The following CSE1L variants were observed in gnomAD, a reference collection of about 807,000 sequenced individuals.
CSE1L encodes exportin-2.
Under a neutral mutation model 120.4 loss-of-function variants are expected in CSE1L, and 24 were observed. The observed-to-expected ratio is 0.20, with a 90% CI of 0.14 to 0.28. The LOEUF (loss-of-function observed/expected upper bound fraction) is 0.28. Ranked by LOEUF, CSE1L falls within the 10% of genes least tolerant of loss-of-function variation. The pLI is 1.00. For synonymous variants in CSE1L, 402 were observed against 398.3 expected (o/e 1.01, Z -0.11); for missense variants, 830 against 1,145.2 (o/e 0.72, Z 3.97).
At chr20:49,067,417 C>A in intron 6 of CSE1L, 137 bp downstream of exon 6, 1 of 553,704 alleles carries the variant, frequency 1.8e-6, no homozygotes, top group Non-Finnish European at 3.1e-6. Flanking sequence ...AATTTCAAAC[C>A]TACACAGAAA....
chr20:49,049,656 C>A (rs1044971141), intron 1 of CSE1L, among the ~76,000 whole-genome samples: 1 of 152,132 alleles, frequency 6.6e-6, no homozygotes, highest in African/African-American at 2.4e-5. Flanking sequence ...CTAAAAGTCC[C>A]TGATTTCTCT....
intron 1 of CSE1L, among the ~76,000 whole-genome samples, chr20:49,055,069 T>C (rs1404094006): frequency 6.6e-6 from 1 of 152,254 alleles, no homozygotes; most frequent in East Asian, 1.9e-4. Context: ...TTTCAGAATT[T>C]GGGATTTTTT....
intron 2 of CSE1L, among the ~76,000 whole-genome samples, chr20:49,060,516 C>T (rs1471323427): frequency 6.6e-6 from 1 of 151,776 alleles, no homozygotes; most frequent in Non-Finnish European, 1.5e-5. Context: ...TTGCTCACGC[C>T]TGTAATCCCA....
intron 14 of CSE1L, 113 bp downstream of exon 14, chr20:49,078,735 AATG>A: frequency 1.5e-6 from 1 of 652,624 alleles, no homozygotes; most frequent in Non-Finnish European, 2.4e-6. Flanking sequence ...CAAAATTAAC[AATG>A]ATTTCTTTAT....
rs775291464 is a variant in CSE1L, at chr20:49,066,391, C to G, written c.357C>G (p.Gly119=). 1.9e-6 allele frequency: 3 copies of G among 1,614,170 alleles called. No homozygotes were observed. The highest frequency in any genetic ancestry group is 1.1e-5 in the South Asian group (1 of 91,084). Residue 119 remains glycine (G), a synonymous_variant, in exon 5 of 25, where the codon GGC becomes GGG. Transcript: ENST00000262982. ...KQLSDAISII[G]REDFPQKWPD... ...TAAGTGATGCAATTAGCATTATTGG[C>G]AGAGAAGATTTTCCACAGAAATGGC...
chr20:49,063,244 C>A lies in CSE1L; in HGVS notation c.128C>A (p.Pro43Gln). The A allele has an allele frequency of 6.3e-7, 1 of 1,593,306 alleles. No homozygotes were observed. The highest frequency in any genetic ancestry group is 8.5e-7 in the Non-Finnish European group (1 of 1,172,182). ...TCTGTTGAAGGAAATCAGAATTATC[C>A]ACTGTTGCTTTTGACATTACTGGAG... is the stretch of plus-strand genomic sequence containing the variant. ...LESVEGNQNYPLLLLTLLEKS... is the reference protein window; with the variant it reads ...LESVEGNQNYQLLLLTLLEKS... Residue 43 changes from proline (P) to glutamine (Q), a missense_variant, in exon 3 of 25, where the codon CCA (proline) becomes CAA (glutamine). Physicochemically the swap from Pro to Gln is moderately conservative, Grantham distance 76. This residue lies in a region of CSE1L where 543 missense variants were observed against 640.2 expected (regional missense o/e 0.85). Transcript: ENST00000262982.
At chr20:49,078,523 C>T (rs765482542) in intron 13 of CSE1L, 38 bp from the exon 14 acceptor site, 63 of 1,405,378 alleles carry the variant, frequency 4.5e-5, no homozygotes, top group Non-Finnish European at 6.2e-5. Flanking sequence ...ATGATCCTTA[C>T]CACTTAAGTA....
At chr20:49,061,805 TA>T (rs943392830) in intron 2 of CSE1L, among the ~76,000 whole-genome samples, 2 of 151,978 alleles carry the variant, frequency 1.3e-5, no homozygotes, top group African/African-American at 4.8e-5. Flanking sequence ...ACCCGGCAAT[TA>T]TTTTTTTTTT....
At position 49,092,123 on chromosome 20, in the gene CSE1L, C is replaced by T. The variant is rs2092106244; in HGVS notation, c.2443C>T (p.Pro815Ser). 2.0e-6 allele frequency: 3 copies of T among 1,531,966 alleles called. No homozygotes were observed. The highest frequency in any genetic ancestry group is 2.4e-5 in the South Asian group (2 of 84,026). 94.9% of individuals were successfully genotyped at this position (1,531,966 alleles called of 1,614,324 possible). The change falls in exon 22 of 25, where the codon CCA becomes TCA. Residue 815 changes from proline (P) to serine (S), a missense_variant. Physicochemically the swap from Pro to Ser is moderately conservative, Grantham distance 74. This residue lies in a region of CSE1L where 112 missense variants were observed against 200.0 expected (regional missense o/e 0.56). Coordinates refer to ENST00000262982, the MANE Select transcript of CSE1L (RefSeq NM_001316.4). ...ALQEIFDGIQ[P>S]KMFGMVLEKI... The stretch of plus-strand genomic sequence containing the variant: ...ACAAGAAATATTTGATGGTATACAA[C>T]CAAAGTAAGTTTGTTTTTATTATTT...
chr20:49,068,767 T>G lies in CSE1L; in HGVS notation c.620T>G (p.Ile207Ser). Reference protein sequence around the residue: ...THANDASALRILFSSLILISK... With the variant: ...THANDASALRSLFSSLILISK... ...GCAAATGATGCCTCTGCCCTGAGGA[T>G]TCTGTTTTCTTCCCTGATCCTGATC... Residue 207 changes from isoleucine to serine, a missense_variant, in exon 7 of 25, where the codon ATT becomes AGT. By Grantham distance (142) the Ile-to-Ser change is moderately radical (BLOSUM62 -2). This residue lies in a region of CSE1L where 543 missense variants were observed against 640.2 expected (regional missense o/e 0.85). Transcript: ENST00000262982. 1 of 1,614,048 alleles carries G rather than the reference T, an allele frequency of 6.2e-7. No individual in the cohort carries two copies. The highest frequency in any genetic ancestry group is 8.5e-7 in the Non-Finnish European group (1 of 1,179,898).
At chr20:49,075,234 A>G (rs564227169) in intron 11 of CSE1L, 84 bp from the exon 12 acceptor site, 1 of 1,131,608 alleles carries the variant, frequency 8.8e-7, no homozygotes, top group East Asian at 2.4e-5. Flanking sequence ...AAATTATTCC[A>G]GGCAATTTGT....
chr20:49,048,000 G>A (rs141658473), intron 1 of CSE1L, among the ~76,000 whole-genome samples: 35 of 152,230 alleles, frequency 2.3e-4, no homozygotes, highest in African/African-American at 7.9e-4. Flanking sequence ...TCCCACCTGT[G>A]CTTGCCACAT....
At chr20:49,052,462 G>C (rs537921681) in intron 1 of CSE1L, among the ~76,000 whole-genome samples, 2 of 152,328 alleles carry the variant, frequency 1.3e-5, no homozygotes, top group South Asian at 4.1e-4. Context: ...TATCAAATTA[G>C]AGGATGAGCA....
rs2123709381 is a variant in CSE1L, at chr20:49,072,605, G to T, written c.974G>T (p.Cys325Phe). ...SNAIQFLASV[C>F]ERPHYKNLFE... ...GCAATTCAATTTCTGGCTTCAGTTT[G>T]TGAGAGACCTCATTATAAGAATCTA... The change falls in exon 10 of 25, where the codon TGT becomes TTT. Residue 325 changes from cysteine to phenylalanine, a missense_variant. Cys to Phe is a radical substitution (Grantham distance 205). Around this residue, in one of 4 missense-constraint regions of CSE1L, gnomAD observed 543 missense variants for 640.2 expected, o/e 0.85. Coordinates refer to ENST00000262982, the MANE Select transcript of CSE1L (RefSeq NM_001316.4). 3.7e-6 allele frequency: 6 copies of T among 1,613,500 alleles called. No homozygotes were observed. Among genetic ancestry groups the T allele is most frequent in the Non-Finnish European group, 5.1e-6 (6 of 1,179,856 alleles).
At chr20:49,054,341 ATATTTTCT>A (rs1802961313) in intron 1 of CSE1L, among the ~76,000 whole-genome samples, 1 of 152,130 alleles carries the variant, frequency 6.6e-6, no homozygotes, top group Non-Finnish European at 1.5e-5. Context: ...GCATTAGATA[ATATTTTCT>A]TATTTTCTGG....
intron 21 of CSE1L, 115 bp downstream of exon 21, chr20:49,091,137 A>T: frequency 1.3e-6 from 1 of 785,580 alleles, no homozygotes; most frequent in Non-Finnish European, 2.1e-6. Context: ...TGCAAAAAAT[A>T]CTTGGCCACG....
chr20:49,095,559 C>T (rs1217712977), intron 24 of CSE1L, among the ~76,000 whole-genome samples: 3 of 152,084 alleles, frequency 2.0e-5, no homozygotes, highest in Admixed American at 1.3e-4. Flanking sequence ...AAGCCATCCT[C>T]CTCCCTCAGC....
chr20:49,063,154 G>T, intron 2 of CSE1L, 48 bp from the exon 3 acceptor site: 1 of 1,236,986 alleles, frequency 8.1e-7, no homozygotes. Flanking sequence ...TATATATAAG[G>T]TGGAAAGATT....
At chr20:49,047,540 C>G (rs369214815) in intron 1 of CSE1L, among the ~76,000 whole-genome samples, 5 of 95,334 alleles carry the variant, frequency 5.2e-5, no homozygotes, top group Non-Finnish European at 9.2e-5. Context: ...CTTTTGTTTT[C>G]TTTTTCTTTT....
Sources: gnomAD v4.1 joint callset for allele counts (sites outside exome capture counted in the v4.1 genomes callset) on GRCh38, gnomAD v4.1.1 for gene constraint, gnomAD v4.1.1 regional missense constraint, MANE v1.5 for transcripts, NCBI Gene and HGNC (gene_info 2026-07-23, HGNC 2026-07-21) for gene names.